COL23A1: variants seen among roughly 807,000 people sequenced by gnomAD.
COL23A1 encodes the protein collagen type XXIII alpha 1 chain, also known as collagen alpha-1(XXIII) chain.
A neutral mutation model predicts 99.3 loss-of-function variants in COL23A1; 97 were observed. That is an observed-to-expected ratio of 0.98 (90% CI 0.83 to 1.16). The LOEUF is 1.16. COL23A1 is among the 50% of genes most tolerant of loss of function. The probability of loss-of-function intolerance (pLI) is 0.00; values close to 1 mark genes in which losing one functional copy is unlikely to be tolerated. For missense variants in COL23A1, 762 were observed against 757.4 expected, an observed-to-expected ratio of 1.01 and a Z score of -0.07; for synonymous variants, 320 against 308.2, an observed-to-expected ratio of 1.04 and a Z score of -0.40.
intron 2 of COL23A1, among the ~76,000 whole-genome samples, chr5:178,492,883 G>A (rs1228004881): frequency 1.3e-5 from 2 of 152,074 alleles, no homozygotes; most frequent in Non-Finnish European, 1.5e-5. Flanking sequence ...GAACTTCTCT[G>A]TGCCTCAGTT....
intron 2 of COL23A1, among the ~76,000 whole-genome samples, chr5:178,500,198 G>A (rs1758444794): frequency 6.6e-6 from 1 of 152,010 alleles, no homozygotes; most frequent in African/African-American, 2.4e-5. Context: ...CTGTAGTGAT[G>A]GTTTCATGAG....
intron 3 of COL23A1, among the ~76,000 whole-genome samples, chr5:178,298,703 A>G (rs1236790747): frequency 6.6e-6 from 1 of 152,214 alleles, no homozygotes; most frequent in African/African-American, 2.4e-5. Flanking sequence ...TCTCAGAAGC[A>G]TGAACCCATC....
intron 2 of COL23A1, among the ~76,000 whole-genome samples, chr5:178,481,533 A>G (rs1757339918): frequency 1.3e-5 from 2 of 152,162 alleles, no homozygotes; most frequent in Non-Finnish European, 2.9e-5. Flanking sequence ...AAAACAAAAC[A>G]AAACAACCCA....
intron 2 of COL23A1, among the ~76,000 whole-genome samples, chr5:178,487,269 G>A (rs1757682154): frequency 6.6e-6 from 1 of 151,756 alleles, no homozygotes; most frequent in East Asian, 1.9e-4. Flanking sequence ...TCTGAAGGCA[G>A]TCATGGTACC....
chr5:178,350,137 G>A (rs1376340618), intron 2 of COL23A1, among the ~76,000 whole-genome samples: 1 of 152,192 alleles, frequency 6.6e-6, no homozygotes. Flanking sequence ...ATTACACTGA[G>A]CACTTTCCCA....
chr5:178,461,467 C>T (rs1756119944), intron 2 of COL23A1, among the ~76,000 whole-genome samples: 1 of 152,218 alleles, frequency 6.6e-6, no homozygotes, highest in Admixed American at 6.5e-5. Flanking sequence ...AGAGTCCACC[C>T]AAGGAGGGCC....
At chr5:178,294,620 C>T (rs1335258033) in intron 3 of COL23A1, among the ~76,000 whole-genome samples, 1 of 152,174 alleles carries the variant, frequency 6.6e-6, no homozygotes, top group Non-Finnish European at 1.5e-5. Context: ...AAATTGGATC[C>T]CTGCCTCAGC....
chr5:178,290,322 TTA>T, intron 4 of COL23A1, 38 bp downstream of exon 4: 1 of 1,613,874 alleles, frequency 6.2e-7, no homozygotes. Flanking sequence ...ACCAAACATC[TTA>T]TCTTTCAGAA....
chr5:178,584,730 G>T (rs898968795), intron 1 of COL23A1, among the ~76,000 whole-genome samples: 30 of 152,294 alleles, frequency 2.0e-4, no homozygotes, highest in African/African-American at 7.0e-4. Flanking sequence ...GGAGCTGGGG[G>T]AAAGGCAGGA....
At chr5:178,312,848 T>A (rs1758776950) in intron 2 of COL23A1, among the ~76,000 whole-genome samples, 1 of 152,146 alleles carries the variant, frequency 6.6e-6, no homozygotes, top group South Asian at 2.1e-4. Flanking sequence ...GTGCTTTCAT[T>A]TCTCTCTACT....
chr5:178,516,603 C>A (rs542108834), intron 2 of COL23A1, among the ~76,000 whole-genome samples: 1 of 152,336 alleles, frequency 6.6e-6, no homozygotes, highest in South Asian at 2.1e-4. Flanking sequence ...TCCTGGAACG[C>A]GCCAGGCCCT....
Position 178,242,051 on chromosome 5 carries a change from C to T in COL23A1, c.1572G>A (p.Pro524=), listed in dbSNP as rs922873396. The change falls in exon 27 of 29, where the codon CCG becomes CCA. Residue 524 remains proline, a synonymous_variant. Coordinates refer to ENST00000390654, the MANE Select transcript of COL23A1 (RefSeq NM_173465.4). ...CTCCTCCGACACCTACCACGGGACA[C>T]GGCTGGTCCAGGCCTGGTGGTCCCG... ...GEPGPPGLDQ[P]CPVGPDGLPV... is the part of the protein sequence containing the mutation. 2.1e-5 allele frequency: 32 copies of T among 1,554,284 alleles called. No individual in the cohort carries two copies. Among genetic ancestry groups the T allele is most frequent in the Middle Eastern group, 3.3e-4 (2 of 6,012 alleles).
In COL23A1 at chr5:178,260,213, C is replaced by T. The variant is rs138424769; in HGVS notation, c.703-466G>A. Among the ~76,000 whole-genome samples the T allele has an allele frequency of 2.2e-3, 333 of 152,352 alleles. 2 individuals are homozygous for T. Among genetic ancestry groups the T allele is most frequent in the African/African-American group, 7.7e-3 (320 of 41,576 alleles). On this transcript the variant is annotated intron_variant, in intron 11 of 28. Transcript: ENST00000390654. ...ATCCACGTGAAAACCTGCACATGGACGCTGACATCAGCTTTACTCAAAACT... is the reference window on the plus strand; with the variant it reads ...ATCCACGTGAAAACCTGCACATGGATGCTGACATCAGCTTTACTCAAAACT...
At chr5:178,356,474 G>A (rs1761659610) in intron 2 of COL23A1, among the ~76,000 whole-genome samples, 1 of 152,232 alleles carries the variant, frequency 6.6e-6, no homozygotes, top group Admixed American at 6.5e-5. Context: ...AGAACCAGAA[G>A]ACACCAGGAT....
At position 178,307,511 on chromosome 5, in the gene COL23A1, C is replaced by T. The variant is rs1383198819; in HGVS notation, c.362-592G>A. On this transcript the variant is annotated intron_variant, in intron 2 of 28. Transcript: ENST00000390654. This position sits in a 1 kb window ranked among gnomAD's most constrained non-coding sequence, Gnocchi z 4.2. ...GCTGCTCAGCCGCCTTCTGGGCTTC[C>T]TGTCCACGTCTGTCCTCCATCCGCG... Among the ~76,000 whole-genome samples the T allele has an allele frequency of 6.6e-6, 1 of 152,236 alleles. No homozygotes were observed. The highest frequency in any genetic ancestry group is 1.5e-5 in the Non-Finnish European group (1 of 68,032).
chr5:178,334,864 T>C (rs1529444), intron 2 of COL23A1, among the ~76,000 whole-genome samples: 72,476 of 152,122 alleles, frequency 0.48, 18,172 homozygotes, highest in East Asian at 0.81. Context: ...GTGGCTTTCT[T>C]AGTGTCACAC....
chr5:178,303,625 G>A (rs78768281), intron 3 of COL23A1, among the ~76,000 whole-genome samples: 3,975 of 152,294 alleles, frequency 0.026, 138 homozygotes, highest in African/African-American at 0.076. Flanking sequence ...TAGCAGCTGC[G>A]GAGACCCGGG....
chr5:178,384,942 A>G lies in COL23A1; in HGVS notation c.362-78023T>C, dbSNP rs1266568403. Among the ~76,000 whole-genome samples the G allele has an allele frequency of 4.6e-5, 7 of 151,332 alleles. No individual in the cohort carries two copies. The highest frequency in any genetic ancestry group is 3.0e-5 in the Non-Finnish European group (2 of 67,724). ...AGGCTCCCGCTCCTTCCCTGTGCCC[A>G]GCCTCCCTGCCTGCCCCATCCAAGC... On this transcript the variant is annotated intron_variant, in intron 2 of 28. Transcript: ENST00000390654. The surrounding 1 kb of genome is among the most constrained non-coding windows in gnomAD (Gnocchi z 5.5).
Position 178,467,695 on chromosome 5 carries a change from T to G in COL23A1, c.361+92987A>C, listed in dbSNP as rs556969096. Among the ~76,000 whole-genome samples, 23 of 152,346 alleles carry G rather than the reference T, an allele frequency of 1.5e-4. No individual in the cohort carries two copies. The South Asian group carries it at 4.8e-3, about 32-fold the overall frequency. On this transcript the variant is annotated intron_variant, in intron 2 of 28. Coordinates refer to ENST00000390654, the MANE Select transcript of COL23A1 (RefSeq NM_173465.4). Reference sequence around the variant, plus strand: ...GATTTCTGCCAGAGCCACAGACCTCTTCTCCTAGTACTGATTTAATTCTTT... The same window carrying G: ...GATTTCTGCCAGAGCCACAGACCTCGTCTCCTAGTACTGATTTAATTCTTT...
Sources: allele counts gnomAD v4.1 joint callset (sites outside exome capture counted in the v4.1 genomes callset), GRCh38; gene constraint gnomAD v4.1.1; non-coding constraint Gnocchi (gnomAD v3.1); transcripts MANE v1.5; gene names NCBI Gene and HGNC (gene_info 2026-07-23, HGNC 2026-07-21).